The following GABRB1 variants were observed in gnomAD, a reference collection of about 807,000 sequenced individuals.
The protein encoded by GABRB1 is gamma-aminobutyric acid receptor subunit beta-1.
A neutral mutation model predicts 51.6 loss-of-function variants in GABRB1; 17 were observed. The observed-to-expected ratio is 0.33, with a 90% CI of 0.23 to 0.49. GABRB1 has a LOEUF of 0.49. GABRB1 is among the 20% of genes least tolerant of loss of function. The pLI, the probability that GABRB1 is intolerant of heterozygous loss-of-function variation, is 0.99. For synonymous variants in GABRB1, 247 were observed against 218.9 expected (o/e 1.13, Z -1.14); for missense variants, 410 against 600.6 (o/e 0.68, Z 3.32).
At chr4:47,195,492 T>C (rs1253234772) in intron 4 of GABRB1, among the ~76,000 whole-genome samples, 2 of 115,878 alleles carry the variant, frequency 1.7e-5, no homozygotes, top group Non-Finnish European at 1.9e-5. Context: ...GATAGATAGA[T>C]AGATAGATAG....
chr4:47,160,915 T>G (rs1383828519), intron 3 of GABRB1, among the ~76,000 whole-genome samples: 1 of 151,990 alleles, frequency 6.6e-6, no homozygotes, highest in Non-Finnish European at 1.5e-5. Flanking sequence ...GCCTCCCAAG[T>G]AGCTGGTATT....
At chr4:47,276,519 A>T (rs1488326119) in intron 4 of GABRB1, among the ~76,000 whole-genome samples, 1 of 152,092 alleles carries the variant, frequency 6.6e-6, no homozygotes, top group Non-Finnish European at 1.5e-5. Context: ...CTCAAAAGAA[A>T]ATAATTTGTA....
chr4:47,306,108 A>G (rs536969338), intron 4 of GABRB1, among the ~76,000 whole-genome samples: 1 of 152,230 alleles, frequency 6.6e-6, no homozygotes, highest in South Asian at 2.1e-4. Flanking sequence ...TAAAAATATA[A>G]CAACATGTTG....
chr4:47,260,076 G>A (rs571261149), intron 4 of GABRB1, among the ~76,000 whole-genome samples: 6 of 152,210 alleles, frequency 3.9e-5, no homozygotes, highest in Non-Finnish European at 7.4e-5. Flanking sequence ...TTACCATTAT[G>A]CAATGGCCTT....
intron 4 of GABRB1, among the ~76,000 whole-genome samples, chr4:47,252,174 G>T (rs953881507): frequency 6.9e-6 from 1 of 144,176 alleles, no homozygotes; most frequent in Non-Finnish European, 1.5e-5. Context: ...TGGAGACCCA[G>T]TGAGCTCCCA....
intron 4 of GABRB1, among the ~76,000 whole-genome samples, chr4:47,285,831 C>T (rs377550881): frequency 1.3e-5 from 2 of 152,106 alleles, no homozygotes; most frequent in East Asian, 3.9e-4. Flanking sequence ...TTTTTGAAGA[C>T]CCATTTTTCA....
intron 5 of GABRB1, among the ~76,000 whole-genome samples, chr4:47,341,924 TATAAC>T (rs1725915947): frequency 6.6e-6 from 1 of 152,144 alleles, no homozygotes; most frequent in African/African-American, 2.4e-5. Flanking sequence ...CACAAGCACT[TATAAC>T]AGAATTTTAG....
Position 47,366,629 on chromosome 4 carries a change from A to AT in GABRB1, c.545-36688dup, listed in dbSNP as rs1247698331. 5.5e-4 allele frequency among the ~76,000 whole-genome samples: 69 copies of AT among 125,078 alleles called. 2 individuals carry two copies. Among genetic ancestry groups the AT allele is most frequent in the African/African-American group, 2.1e-3 (66 of 31,726 alleles). 82.1% of individuals were successfully genotyped at this position (125,078 alleles called of 152,430 possible). A position where few individuals can be genotyped will look rare whatever the true frequency, so the allele number is the denominator to read the frequency against. On this transcript the variant is annotated intron_variant, in intron 5 of 8. Transcript: ENST00000295454. ...TAGGAGCATAGCATAAGATGGGAAA[A>AT]TAAAAAAAAAAATCTCAACATTATC...
At chr4:47,195,456 TTAGATGATA>T (rs1376973531) in intron 4 of GABRB1, among the ~76,000 whole-genome samples, 12 of 89,656 alleles carry the variant, frequency 1.3e-4, no homozygotes, top group East Asian at 3.7e-4. Context: ...GATAGATAGA[TTAGATGATA>T]GATAGATAGA....
intron 8 of GABRB1, among the ~76,000 whole-genome samples, chr4:47,423,526 C>T (rs1054376047): frequency 6.6e-6 from 1 of 152,200 alleles, no homozygotes; most frequent in African/African-American, 2.4e-5. Flanking sequence ...GCTAGTTGTG[C>T]TGCATATATC....
chr4:47,281,981 G>A (rs74525801), intron 4 of GABRB1, among the ~76,000 whole-genome samples: 1,834 of 152,034 alleles, frequency 0.012, 35 homozygotes, highest in African/African-American at 0.042. Context: ...TAGTGATCAC[G>A]GTTAGTATGA....
At chr4:47,382,892 A>G (rs1022505149) in intron 5 of GABRB1, among the ~76,000 whole-genome samples, 10 of 152,222 alleles carry the variant, frequency 6.6e-5, no homozygotes, top group African/African-American at 2.4e-4. Flanking sequence ...TAAAAAATCA[A>G]TTCTAGCAAA....
intron 1 of GABRB1, among the ~76,000 whole-genome samples, chr4:47,012,977 T>C (rs1724624734): frequency 6.6e-6 from 1 of 152,218 alleles, no homozygotes; most frequent in Non-Finnish European, 1.5e-5. Flanking sequence ...AGTTCATTTG[T>C]GTAACCACTG....
chr4:47,118,510 G>T (rs555585503), intron 3 of GABRB1, among the ~76,000 whole-genome samples: 2 of 152,156 alleles, frequency 1.3e-5, no homozygotes, highest in Admixed American at 1.3e-4. Context: ...CTGTTGATTT[G>T]CCAGTTACTA....
chr4:47,234,433 G>A (rs1721248499), intron 4 of GABRB1, among the ~76,000 whole-genome samples: 1 of 151,872 alleles, frequency 6.6e-6, no homozygotes, highest in Non-Finnish European at 1.5e-5. Flanking sequence ...GTTGCAGTGA[G>A]TGGAGATTGC....
chr4:47,249,299 C>CCATGTATTTG (rs1346222876), intron 4 of GABRB1, among the ~76,000 whole-genome samples: 3 of 152,036 alleles, frequency 2.0e-5, no homozygotes, highest in Non-Finnish European at 4.4e-5. Flanking sequence ...TATTTAATTT[C>CCATGTATTTG]CATGTATTTG....
rs558695979 is a variant in GABRB1, at chr4:47,104,176, A to G, written c.241-57073A>G. ...ATATTTTCACTGAATATAGAAGTAT[A>G]GGATGACAGGTTTTTTTCTTCTTAT... On this transcript the variant is annotated intron_variant, in intron 3 of 8. Coordinates refer to ENST00000295454, the MANE Select transcript of GABRB1 (RefSeq NM_000812.4). 9.2e-5 allele frequency among the ~76,000 whole-genome samples: 14 copies of G among 151,876 alleles called. No individual in the cohort carries two copies. In the East Asian group the frequency reaches 2.5e-3, roughly 27 times the overall value.
At chr4:47,380,518 G>A (rs1426003461) in intron 5 of GABRB1, among the ~76,000 whole-genome samples, 1 of 152,056 alleles carries the variant, frequency 6.6e-6, no homozygotes. Flanking sequence ...ATGGGATGTG[G>A]GTGATAAAGA....
At chr4:47,310,584 C>G (rs1415573986) in intron 4 of GABRB1, among the ~76,000 whole-genome samples, 2 of 152,128 alleles carry the variant, frequency 1.3e-5, no homozygotes, top group African/African-American at 4.8e-5. Flanking sequence ...ACTACAATAA[C>G]TGGGGAGAAC....
Sources: allele counts gnomAD v4.1 joint callset (sites outside exome capture counted in the v4.1 genomes callset), GRCh38; gene constraint gnomAD v4.1.1; transcripts MANE v1.5; gene names NCBI Gene and HGNC (gene_info 2026-07-23, HGNC 2026-07-21).